The following LAMB4 variants were observed in gnomAD, a reference collection of about 807,000 sequenced individuals.
LAMB4 encodes laminin subunit beta-4.
LAMB4 carries 196 observed loss-of-function variants against 199.2 expected under a neutral mutation model. That is an observed-to-expected ratio of 0.98 (90% CI 0.88 to 1.11). The LOEUF is 1.11. LAMB4 is among the 50% of genes least tolerant of loss of function. The pLI, the probability that LAMB4 is intolerant of heterozygous loss-of-function variation, is 0.00. For missense variants in LAMB4, 2,080 were observed against 2,171.2 expected, an observed-to-expected ratio of 0.96 and a Z score of 0.83; for synonymous variants, 744 against 770.6, an observed-to-expected ratio of 0.97 and a Z score of 0.57.
At chr7:108,049,553 T>C in intron 26 of LAMB4, 22 bp from the exon 27 acceptor site, 2 of 1,414,260 alleles carry the variant, frequency 1.4e-6, no homozygotes, top group Non-Finnish European at 9.7e-7. Flanking sequence ...CAAATTGAAG[T>C]AAGGTAAATT....
intron 28 of LAMB4, among the ~76,000 whole-genome samples, chr7:108,047,234 C>G (rs1004371280): frequency 6.6e-6 from 1 of 152,126 alleles, no homozygotes; most frequent in African/African-American, 2.4e-5. Flanking sequence ...CAGGTTGGAA[C>G]TGCACACGCC....
chr7:108,020,879 A>G (rs2034678329), downstream of LAMB4, among the ~76,000 whole-genome samples: 1 of 152,220 alleles, frequency 6.6e-6, no homozygotes, highest in South Asian at 2.1e-4. Context: ...TAAAGGATAA[A>G]CAGGCAAAAA....
chr7:108,098,615 T>C lies in LAMB4; in HGVS notation c.1181-33A>G, dbSNP rs565802042. On this transcript the variant is annotated intron_variant, in intron 10 of 33. Coordinates refer to ENST00000388781, the MANE Select transcript of LAMB4 (RefSeq NM_007356.3). ...CACAGACATTCATTGTTTTAGTTAA[T>C]TGCAAATTGTGGGAAGCCTGAAATA... The C allele has an allele frequency of 1.6e-5, 24 of 1,538,916 alleles. No homozygotes were observed. The Admixed American group carries it at 1.6e-4, about 10-fold the overall frequency.
Position 108,098,318 on chromosome 7 carries a change from G to A in LAMB4, c.1360+85C>T, listed in dbSNP as rs576547636. The A allele has an allele frequency of 1.8e-5, 11 of 601,244 alleles. No homozygotes were observed. In the East Asian group the frequency reaches 2.8e-4, roughly 15 times the overall value. The allele number at this position is 601,244 out of a possible 1,614,324, so 37.2% of individuals were successfully genotyped here. On this transcript the variant is annotated intron_variant, in intron 11 of 33. Transcript: ENST00000388781. ...ACTGTACTCCAGCCTGGGCGACAGA[G>A]CGAGACTCCATCTCAAAAACAGACA...
chr7:108,128,999 T>G (rs932209419), intron 1 of LAMB4, among the ~76,000 whole-genome samples: 1 of 152,242 alleles, frequency 6.6e-6, no homozygotes, highest in African/African-American at 2.4e-5. Context: ...GGTCTTAAAA[T>G]GTATTAAGTG....
At chr7:108,092,770 G>T (rs1035651071) in intron 12 of LAMB4, among the ~76,000 whole-genome samples, 1 of 152,122 alleles carries the variant, frequency 6.6e-6, no homozygotes, top group Non-Finnish European at 1.5e-5. Context: ...GCCTGGGTGT[G>T]GTGCATGCCT....
intron 9 of LAMB4, among the ~76,000 whole-genome samples, chr7:108,103,850 T>C (rs1239005559): frequency 6.6e-6 from 1 of 152,230 alleles, no homozygotes; most frequent in Non-Finnish European, 1.5e-5. Context: ...CCCGGTCTTG[T>C]ATACTGTGAC....
chr7:108,108,830 A>C (rs982516392), intron 5 of LAMB4, among the ~76,000 whole-genome samples: 8 of 152,180 alleles, frequency 5.3e-5, no homozygotes, highest in African/African-American at 1.9e-4. Flanking sequence ...TTTCCCCTTG[A>C]TTACAACCTT....
At chr7:108,099,420 C>T (rs1014199558) in intron 10 of LAMB4, among the ~76,000 whole-genome samples, 3 of 152,170 alleles carry the variant, frequency 2.0e-5, no homozygotes, top group African/African-American at 7.2e-5. Flanking sequence ...GAGTAGAAGT[C>T]ACAAAAGGTA....
chr7:108,019,876 G>A (rs912974021), downstream of LAMB4, among the ~76,000 whole-genome samples: 1 of 152,092 alleles, frequency 6.6e-6, no homozygotes, highest in African/African-American at 2.4e-5. Context: ...CACCTGTTGG[G>A]TCTCAGCTGT....
intron 2 of LAMB4, among the ~76,000 whole-genome samples, chr7:108,118,933 C>A (rs888800218): frequency 3.3e-5 from 5 of 152,020 alleles, no homozygotes; most frequent in African/African-American, 1.2e-4. Context: ...TAAGAGCTTT[C>A]AAAACTCAAC....
intron 6 of LAMB4, 21 bp from the exon 7 acceptor site, chr7:108,106,593 C>T (rs937533706): frequency 6.2e-6 from 8 of 1,293,054 alleles, no homozygotes; most frequent in African/African-American, 4.5e-5. Context: ...AATATAGATA[C>T]ATTTATAGTA....
At chr7:108,078,865 A>T (rs537237047) in intron 15 of LAMB4, among the ~76,000 whole-genome samples, 1 of 152,304 alleles carries the variant, frequency 6.6e-6, no homozygotes, top group African/African-American at 2.4e-5. Flanking sequence ...TGTAAGTAAG[A>T]AATAGAGAAT....
intron 32 of LAMB4, 91 bp downstream of exon 32, chr7:108,030,715 T>C (rs1275562716): frequency 1.6e-6 from 2 of 1,221,480 alleles, no homozygotes; most frequent in Admixed American, 1.9e-5. Flanking sequence ...AAGGAAATGA[T>C]GAGAAATGGC....
intron 17 of LAMB4, among the ~76,000 whole-genome samples, chr7:108,070,405 C>A (rs1008423875): frequency 1.3e-5 from 2 of 152,210 alleles, no homozygotes; most frequent in African/African-American, 4.8e-5. Flanking sequence ...ATGACCAGAA[C>A]TGACGCTTGA....
intron 1 of LAMB4, among the ~76,000 whole-genome samples, chr7:108,128,073 A>G (rs907184551): frequency 6.6e-6 from 1 of 152,148 alleles, no homozygotes; most frequent in African/African-American, 2.4e-5. Context: ...CACGGTCGAT[A>G]CAGGGGATCG....
At chr7:108,013,906 G>A in the LAMB4 span, among the ~76,000 whole-genome samples, 2 of 152,122 alleles carry the variant, frequency 1.3e-5, no homozygotes. Context: ...TGATTTAAAA[G>A]GGTATGTGTG....
chr7:108,066,990 A>C (rs551195431), intron 19 of LAMB4, among the ~76,000 whole-genome samples: 1 of 151,890 alleles, frequency 6.6e-6, no homozygotes, highest in African/African-American at 2.4e-5. Context: ...ATTATAAACC[A>C]TATAAGAGCC....
intron 1 of LAMB4, among the ~76,000 whole-genome samples, chr7:108,126,466 A>G (rs941530661): frequency 5.3e-5 from 8 of 151,442 alleles, no homozygotes; most frequent in Admixed American, 1.3e-4. Flanking sequence ...GAATCGCACA[A>G]TATTTGTCTT....
Sources: allele counts gnomAD v4.1 joint callset (sites outside exome capture counted in the v4.1 genomes callset), GRCh38; gene constraint gnomAD v4.1.1; transcripts MANE v1.5; gene names NCBI Gene and HGNC (gene_info 2026-07-23, HGNC 2026-07-21).